The following RNF111 variants were observed in gnomAD, a reference collection of about 807,000 sequenced individuals.
RNF111 encodes ring finger protein 111, also known as E3 ubiquitin-protein ligase Arkadia.
Under a neutral mutation model 95.1 loss-of-function variants are expected in RNF111, and 17 were observed. The observed-to-expected ratio is 0.18, with a 90% CI of 0.12 to 0.27. The LOEUF is 0.27. Among genes scored for constraint, RNF111 ranks in the 10% least tolerant of loss-of-function variants. The pLI, the probability that RNF111 is intolerant of heterozygous loss-of-function variation, is 1.00. For synonymous variants in RNF111, 440 were observed against 414.8 expected (o/e 1.06, Z -0.74); for missense variants, 1,189 against 1,210.4 (o/e 0.98, Z 0.26).
rs2040895668 is a variant in RNF111 at position 59,031,353 on chromosome 15, T to C, written c.531T>C (p.His177=). The C allele has an allele frequency of 1.2e-6, 2 of 1,614,170 alleles. No individual in the cohort carries two copies. Among genetic ancestry groups the C allele is most frequent in the South Asian group, 2.2e-5 (2 of 91,084 alleles). The change falls in exon 2 of 14, where the codon CAT becomes CAC. Residue 177 remains histidine (H), a synonymous_variant. Coordinates refer to ENST00000348370, the MANE Select transcript of RNF111 (RefSeq NM_017610.8). The part of the protein sequence containing the change: ...QTILNAKSRS[H]SARSHKWPRT... ...TTTTGAATGCTAAAAGTAGAAGCCATAGTGCACGGTCTCATAAGTGGCCTC... is the reference window on the plus strand; with the variant it reads ...TTTTGAATGCTAAAAGTAGAAGCCACAGTGCACGGTCTCATAAGTGGCCTC...
At chr15:59,042,470 T>C (rs1566904047) in intron 2 of RNF111, among the ~76,000 whole-genome samples, 1 of 152,208 alleles carries the variant, frequency 6.6e-6, no homozygotes, top group Non-Finnish European at 1.5e-5. Flanking sequence ...TTATTCTTAC[T>C]GCTTCTGGAT....
intron 6 of RNF111, among the ~76,000 whole-genome samples, chr15:59,068,318 G>A (rs907190216): frequency 1.3e-5 from 2 of 152,204 alleles, no homozygotes; most frequent in Non-Finnish European, 1.5e-5. Flanking sequence ...TGCAAAAAAA[G>A]TCAAAGAGGC....
intron 1 of RNF111, among the ~76,000 whole-genome samples, chr15:59,008,183 T>C (rs1371650039): frequency 6.6e-6 from 1 of 152,180 alleles, no homozygotes; most frequent in Non-Finnish European, 1.5e-5. Flanking sequence ...TTCCTTTTTT[T>C]CCTATCTGGC....
chr15:59,036,210 A>G (rs2041169801), intron 2 of RNF111, among the ~76,000 whole-genome samples: 1 of 152,062 alleles, frequency 6.6e-6, no homozygotes, highest in African/African-American at 2.4e-5. Context: ...GGCCTGCACC[A>G]CCACGCCCAG....
Position 59,031,562 on chromosome 15 carries a change from A to C in RNF111, c.740A>C (p.Tyr247Ser), listed in dbSNP as rs1284316898. 1 of 1,614,236 alleles carries C rather than the reference A, an allele frequency of 6.2e-7. No individual in the cohort carries two copies. Residue 247 changes from tyrosine to serine, a missense_variant, in exon 2 of 14, where the codon TAT (tyrosine) becomes TCT (serine). By Grantham distance (144) the Tyr-to-Ser change is moderately radical. Transcript: ENST00000348370. Reference sequence around the variant, plus strand: ...CGAGAAGTGTTAGCTCGAAGAAAATATGCCTTGCTACCTAGTTCTAGTAGT... The same window carrying C: ...CGAGAAGTGTTAGCTCGAAGAAAATCTGCCTTGCTACCTAGTTCTAGTAGT... ...KKREVLARRK[Y>S]ALLPSSSSSS...
At chr15:59,034,950 C>T (rs1383581832) in intron 2 of RNF111, among the ~76,000 whole-genome samples, 1 of 152,274 alleles carries the variant, frequency 6.6e-6, no homozygotes, top group East Asian at 1.9e-4. Context: ...TAAAGACATA[C>T]CCAAGACTGG....
intron 1 of RNF111, among the ~76,000 whole-genome samples, chr15:59,005,264 C>T (rs2039489138): frequency 6.6e-6 from 1 of 152,220 alleles, no homozygotes; most frequent in African/African-American, 2.4e-5. Flanking sequence ...TGGGCACAAG[C>T]AGTCCTCCCT....
At chr15:59,051,471 A>C (rs111911587) in intron 2 of RNF111, among the ~76,000 whole-genome samples, 1 of 125,384 alleles carries the variant, frequency 8.0e-6, no homozygotes, top group East Asian at 2.3e-4. Flanking sequence ...AAAAAAAAGG[A>C]AAAAAAAAAA....
At chr15:59,015,284 T>G (rs1167995359) in intron 1 of RNF111, among the ~76,000 whole-genome samples, 1 of 152,226 alleles carries the variant, frequency 6.6e-6, no homozygotes, top group Non-Finnish European at 1.5e-5. Flanking sequence ...CATACTAGCA[T>G]GTTAGAGATA....
intron 2 of RNF111, among the ~76,000 whole-genome samples, chr15:59,041,732 A>G (rs1045053320): frequency 4.6e-5 from 7 of 152,302 alleles, no homozygotes; most frequent in African/African-American, 1.4e-4. Context: ...GATTGTAACC[A>G]TTCTGAATGC....
intron 1 of RNF111, among the ~76,000 whole-genome samples, chr15:59,026,441 T>G (rs1370739221): frequency 6.6e-6 from 1 of 152,216 alleles, no homozygotes; most frequent in Non-Finnish European, 1.5e-5. Flanking sequence ...ACTAGTATTA[T>G]GGTTTCAGTA....
At chr15:59,034,508 C>T (rs182265252) in intron 2 of RNF111, among the ~76,000 whole-genome samples, 46 of 152,274 alleles carry the variant, frequency 3.0e-4, no homozygotes, top group African/African-American at 9.6e-4. Flanking sequence ...TTCCAGTACT[C>T]TTATGAGATG....
At chr15:59,041,583 A>C (rs1332139317) in intron 2 of RNF111, among the ~76,000 whole-genome samples, 1 of 152,186 alleles carries the variant, frequency 6.6e-6, no homozygotes, top group African/African-American at 2.4e-5. Context: ...AAATTACTGC[A>C]ATAAATAGCT....
chr15:59,051,233 C>T (rs1048951443), intron 2 of RNF111, among the ~76,000 whole-genome samples: 4 of 151,592 alleles, frequency 2.6e-5, no homozygotes, highest in Non-Finnish European at 5.9e-5. Flanking sequence ...GAGGGTGGAT[C>T]ATGAGGTCAG....
At chr15:59,059,143 GAAAC>G (rs1197292052) in intron 5 of RNF111, among the ~76,000 whole-genome samples, 4 of 151,852 alleles carry the variant, frequency 2.6e-5, no homozygotes, top group African/African-American at 4.8e-5. Flanking sequence ...AAAGTAAAAA[GAAAC>G]AAACAAAAAG....
intron 1 of RNF111, among the ~76,000 whole-genome samples, chr15:58,997,157 G>GA (rs1208403351): frequency 4.6e-5 from 7 of 151,540 alleles, no homozygotes; most frequent in African/African-American, 1.2e-4. Context: ...AATGTACAGG[G>GA]AAAAAAAACA....
chr15:59,042,223 C>G (rs543929472), intron 2 of RNF111, among the ~76,000 whole-genome samples: 16 of 151,976 alleles, frequency 1.1e-4, no homozygotes, highest in Non-Finnish European at 2.1e-4. Context: ...GCCTCCCACG[C>G]TTAAGCAATC....
At chr15:59,067,662 C>G (rs1417224887) in intron 6 of RNF111, among the ~76,000 whole-genome samples, 3 of 152,158 alleles carry the variant, frequency 2.0e-5, no homozygotes, top group Non-Finnish European at 4.4e-5. Context: ...ATCTAAAAAT[C>G]ACTTTTTAAA....
chr15:59,056,904 C>T (rs577764524), intron 4 of RNF111, among the ~76,000 whole-genome samples: 1 of 152,074 alleles, frequency 6.6e-6, no homozygotes, highest in Admixed American at 6.6e-5. Context: ...GATAGAGTAG[C>T]CTTTTCCACA....
Sources: allele counts gnomAD v4.1 joint callset (sites outside exome capture counted in the v4.1 genomes callset), GRCh38; gene constraint gnomAD v4.1.1; transcripts MANE v1.5; gene names NCBI Gene and HGNC (gene_info 2026-07-23, HGNC 2026-07-21).